The following ZFYVE28 variants were observed in gnomAD, a reference collection of about 807,000 sequenced individuals.
ZFYVE28 encodes lateral signaling target protein 2 homolog.
A neutral mutation model predicts 82.1 loss-of-function variants in ZFYVE28; 40 were observed. The observed-to-expected ratio is 0.49, with a 90% CI of 0.38 to 0.63. The LOEUF (loss-of-function observed/expected upper bound fraction) is 0.63. Ranked by LOEUF, ZFYVE28 falls within the 30% of genes least tolerant of loss-of-function variation. ZFYVE28 has a pLI of 0.00. For synonymous variants in ZFYVE28, 612 were observed against 546.1 expected (o/e 1.12, Z -1.68); for missense variants, 1,321 against 1,242.1 (o/e 1.06, Z -0.96).
In ZFYVE28 at chr4:2,394,231, G is replaced by A. The variant is rs537838482; in HGVS notation, c.39+24054C>T. Among the ~76,000 whole-genome samples, 12 of 152,208 alleles carry A rather than the reference G, an allele frequency of 7.9e-5. No homozygotes were observed. Among genetic ancestry groups the A allele is most frequent in the Admixed American group, 2.0e-4 (3 of 15,294 alleles). On this transcript the variant is annotated intron_variant, in intron 1 of 12. Transcript: ENST00000290974. This position sits in a 1 kb window ranked among gnomAD's most constrained non-coding sequence, Gnocchi z 4.0. The stretch of plus-strand genomic sequence containing the variant: ...TCGGAAGGTCAACTGACGAGCAGGC[G>A]TAGTTCCATCTTTAACCTTTACTTC...
intron 7 of ZFYVE28, among the ~76,000 whole-genome samples, chr4:2,319,818 T>TGGTGGGGACGGTGGGGACGGTGGGGAC (rs1442875447): frequency 1.6e-4 from 9 of 55,434 alleles, no homozygotes; most frequent in African/African-American, 4.3e-4. Context: ...ACGGTGGGGA[T>TGGTGGGGACGGTGGGGACGGTGGGGAC]GGTGGGGATG....
intron 1 of ZFYVE28, among the ~76,000 whole-genome samples, chr4:2,392,476 G>C (rs140453294): frequency 6.6e-6 from 1 of 152,116 alleles, no homozygotes. Flanking sequence ...GTTACATTAC[G>C]TCTTCTTTCA....
intron 2 of ZFYVE28, among the ~76,000 whole-genome samples, chr4:2,349,969 C>T (rs975728943): frequency 2.0e-5 from 3 of 151,836 alleles, no homozygotes; most frequent in African/African-American, 7.3e-5. Context: ...CAAAAGATGT[C>T]TGCTCTCACC....
chr4:2,336,763 AGGAGTGAG>A (rs1721785379), intron 5 of ZFYVE28, among the ~76,000 whole-genome samples: 1 of 148,672 alleles, frequency 6.7e-6, no homozygotes, highest in Non-Finnish European at 1.5e-5. Context: ...TGATGAGGTG[AGGAGTGAG>A]GAGGTGAGGA....
At chr4:2,323,366 C>A (rs1484485409) in intron 6 of ZFYVE28, among the ~76,000 whole-genome samples, 1 of 152,076 alleles carries the variant, frequency 6.6e-6, no homozygotes, top group Non-Finnish European at 1.5e-5. Flanking sequence ...AATGTCTATT[C>A]AAGTCTTTCC....
chr4:2,402,168 C>T (rs1293035805), intron 1 of ZFYVE28, among the ~76,000 whole-genome samples: 5 of 152,206 alleles, frequency 3.3e-5, no homozygotes, highest in East Asian at 1.9e-4. Context: ...CTGCTGCCAC[C>T]GCTCCCCTCA....
intron 8 of ZFYVE28, 100 bp from the exon 9 acceptor site, chr4:2,274,316 A>G: frequency 7.0e-7 from 1 of 1,435,460 alleles, no homozygotes; most frequent in Non-Finnish European, 9.3e-7. Flanking sequence ...GTCCTCGCAG[A>G]CGCTCACCCC....
rs541235886 is a variant in ZFYVE28 at position 2,417,581 on chromosome 4, G to A, written c.39+704C>T. On this transcript the variant is annotated intron_variant, in intron 1 of 12. Transcript: ENST00000290974. This position sits in a 1 kb window ranked among gnomAD's most constrained non-coding sequence, Gnocchi z 4.8. Reference sequence around the variant, plus strand: ...AAGGGCCGGGCGGAGGACCTGTCCCGGATTCCAGAGGACGTGGGTGGGGAA... The same window carrying A: ...AAGGGCCGGGCGGAGGACCTGTCCCAGATTCCAGAGGACGTGGGTGGGGAA... Among the ~76,000 whole-genome samples, 45 of 152,186 alleles carry A rather than the reference G, an allele frequency of 3.0e-4. No homozygotes were observed. Among genetic ancestry groups the A allele is most frequent in the African/African-American group, 1.1e-3 (44 of 41,562 alleles).
intron 1 of ZFYVE28, among the ~76,000 whole-genome samples, chr4:2,404,861 T>C (rs141357875): frequency 2.2e-5 from 3 of 137,472 alleles, no homozygotes; most frequent in Admixed American, 7.2e-5. Flanking sequence ...CTCGCTCTTT[T>C]TTTTTTTTTT....
intron 1 of ZFYVE28, among the ~76,000 whole-genome samples, chr4:2,375,591 C>T (rs1414786428): frequency 1.3e-5 from 2 of 152,168 alleles, no homozygotes; most frequent in Non-Finnish European, 2.9e-5. Flanking sequence ...AGGTAGCTTG[C>T]CCCACACACT....
At chr4:2,271,917 G>T (rs1735948764) in intron 10 of ZFYVE28, 138 bp from the exon 11 acceptor site, 4 of 746,658 alleles carry the variant, frequency 5.4e-6, no homozygotes, top group Non-Finnish European at 9.1e-6. Context: ...CTCATGGCAG[G>T]TGGCACCACA....
At chr4:2,284,025 A>G (rs1712359199) in intron 8 of ZFYVE28, among the ~76,000 whole-genome samples, 1 of 152,196 alleles carries the variant, frequency 6.6e-6, no homozygotes, top group African/African-American at 2.4e-5. Context: ...CACAGAACGC[A>G]ATTCCCTGTA....
intron 1 of ZFYVE28, among the ~76,000 whole-genome samples, chr4:2,405,414 G>C (rs11737537): frequency 6.6e-6 from 1 of 152,178 alleles, no homozygotes; most frequent in African/African-American, 2.4e-5. Context: ...TTGGATTTCA[G>C]ACGCTGTGGG....
Position 2,304,445 on chromosome 4 carries a change from T to C in ZFYVE28, c.1895A>G (p.Asp632Gly), listed in dbSNP as rs1485527653. Reference sequence around the variant, plus strand: ...ACCTGAGGTGTGAGGCAGGCACTTGTCGGAAGTGGGGGCTTTGGGCTCCCG... The same window carrying C: ...ACCTGAGGTGTGAGGCAGGCACTTGCCGGAAGTGGGGGCTTTGGGCTCCCG... Reference protein sequence around the residue: ...NGREPKAPTSDKCLPHTSGSQ... With the variant: ...NGREPKAPTSGKCLPHTSGSQ... The change falls in exon 8 of 13, where the codon GAC becomes GGC. Residue 632 changes from aspartate (D) to glycine (G), a missense_variant. Physicochemically the swap from Asp to Gly is moderately conservative, Grantham distance 94 (BLOSUM62 -1). Coordinates refer to ENST00000290974, the MANE Select transcript of ZFYVE28 (RefSeq NM_020972.3). The C allele has an allele frequency of 2.5e-6, 4 of 1,613,524 alleles. No homozygotes were observed. In the African/African-American group the frequency reaches 4.0e-5, roughly 16 times the overall value.
rs71644325 is a variant in ZFYVE28 at position 2,350,034 on chromosome 4, G to GACACACACACACACAC, written c.180+3883_180+3898dup. Among the ~76,000 whole-genome samples the GACACACACACACACAC allele has an allele frequency of 4.9e-4, 73 of 148,824 alleles. No individual in the cohort carries two copies. In the East Asian group the frequency reaches 0.012, roughly 24 times the overall value. ...AGCTAGTTCAATAGGGTGACACACA[G>GACACACACACACACAC]ACACACACACACACACACACACACA... is the stretch of plus-strand genomic sequence containing the variant. On this transcript the variant is annotated intron_variant, in intron 2 of 12. Coordinates refer to ENST00000290974, the MANE Select transcript of ZFYVE28 (RefSeq NM_020972.3).
intron 8 of ZFYVE28, among the ~76,000 whole-genome samples, chr4:2,288,373 G>A (rs892157018): frequency 1.3e-5 from 2 of 152,252 alleles, no homozygotes; most frequent in South Asian, 4.1e-4. Flanking sequence ...GTGCAGTGAG[G>A]GGGTGGGCCA....
At chr4:2,393,362 G>GAAA (rs1479197332) in intron 1 of ZFYVE28, among the ~76,000 whole-genome samples, 1 of 152,232 alleles carries the variant, frequency 6.6e-6, no homozygotes, top group Admixed American at 6.5e-5. Context: ...GAATTCCTTG[G>GAAA]AAGGCAGGCC....
chr4:2,271,818 G>T, intron 10 of ZFYVE28, 39 bp from the exon 11 acceptor site: 1 of 1,590,166 alleles, frequency 6.3e-7, no homozygotes. Context: ...TGGTGAGGGA[G>T]GCGGGCAATT....
In ZFYVE28 at chr4:2,360,424, C is replaced by A. The variant is rs1454734045; in HGVS notation, c.40-6351G>T. 9.3e-4 allele frequency among the ~76,000 whole-genome samples: 141 copies of A among 151,754 alleles called. 2 individuals are homozygous for A. Among genetic ancestry groups the A allele is most frequent in the Middle Eastern group, 3.4e-3 (1 of 294 alleles). ...ACACACACACACACACACACACACA[C>A]ACAGGCACGCACGCACACACAGAAA... On this transcript the variant is annotated intron_variant, in intron 1 of 12. Transcript: ENST00000290974.
Sources: gnomAD v4.1 joint callset for allele counts (sites outside exome capture counted in the v4.1 genomes callset) on GRCh38, gnomAD v4.1.1 for gene constraint, Gnocchi (gnomAD v3.1) non-coding constraint, MANE v1.5 for transcripts, NCBI Gene and HGNC (gene_info 2026-07-23, HGNC 2026-07-21) for gene names.